SIPA1L1: variants seen among roughly 807,000 people sequenced by gnomAD.
SIPA1L1 encodes signal-induced proliferation-associated 1-like protein 1.
SIPA1L1 carries 26 observed loss-of-function variants against 162.7 expected under a neutral mutation model. The ratio of observed to expected loss-of-function variants is 0.16; its 90% CI spans 0.12 to 0.22. SIPA1L1 has a LOEUF of 0.22. Ranked by LOEUF, SIPA1L1 falls within the 10% of genes least tolerant of loss-of-function variation. SIPA1L1 has a pLI of 1.00. For missense variants in SIPA1L1, 1,874 were observed against 2,241.0 expected, an observed-to-expected ratio of 0.84 and a Z score of 3.31; for synonymous variants, 829 against 837.4, an observed-to-expected ratio of 0.99 and a Z score of 0.17.
chr14:71,408,373 A>G (rs2140229444), intron 2 of SIPA1L1, among the ~76,000 whole-genome samples: 1 of 152,288 alleles, frequency 6.6e-6, no homozygotes, highest in Non-Finnish European at 1.5e-5. Flanking sequence ...AGCAGTTTAT[A>G]GTTTTACCAT....
rs376534701 is a variant in SIPA1L1 at position 71,709,645 on chromosome 14, G to A, written c.4189G>A (p.Asp1397Asn). 12 of 1,612,518 alleles carry A rather than the reference G, an allele frequency of 7.4e-6. No individual in the cohort carries two copies. In the African/African-American group the frequency reaches 8.0e-5, roughly 11 times the overall value. ...GGAGAACAGCACCTTCAGTATAAAC[G>A]ATGCTGCTTCCCACACAAGGTAACC... ...TRENSTFSIN[D>N]AASHTSTMSS... Residue 1397 changes from aspartate (D) to asparagine (N), a missense_variant, in exon 17 of 24, where the codon GAT (aspartate) becomes AAT (asparagine). Asp to Asn is a conservative substitution (Grantham distance 23). Transcript: ENST00000381232.
Position 71,587,637 on chromosome 14 carries a change from A to G in SIPA1L1, c.-236A>G. 1 of 467,218 alleles carries G rather than the reference A, an allele frequency of 2.1e-6. No homozygotes were observed. Among genetic ancestry groups the G allele is most frequent in the Non-Finnish European group, 3.8e-6 (1 of 266,352 alleles). 28.9% of individuals were successfully genotyped at this position (467,218 alleles called of 1,614,324 possible). On this transcript the variant is annotated 5_prime_UTR_variant, in exon 5 of 24. Transcript: ENST00000381232. ...CAAGTTCCATTCAGTTTTTTCTGAA[A>G]GAAAGCCCTCTGTTAAAGTGAAGCA...
chr14:71,449,940 C>T (rs866156899), intron 2 of SIPA1L1, among the ~76,000 whole-genome samples: 5 of 152,106 alleles, frequency 3.3e-5, no homozygotes, highest in South Asian at 2.1e-4. Context: ...GAAGAAAACA[C>T]GCATTGACTC....
At chr14:71,375,762 G>T (rs1269709858) in intron 2 of SIPA1L1, among the ~76,000 whole-genome samples, 5 of 152,062 alleles carry the variant, frequency 3.3e-5, no homozygotes, top group African/African-American at 1.2e-4. Flanking sequence ...AGTGTGTGGA[G>T]AATTTTTATC....
At chr14:71,460,140 AAAG>A (rs2046484843) in intron 2 of SIPA1L1, among the ~76,000 whole-genome samples, 2 of 152,362 alleles carry the variant, frequency 1.3e-5, no homozygotes, top group East Asian at 1.9e-4. Context: ...GTTTTTAACA[AAAG>A]AAGGAGGAAA....
chr14:71,463,417 A>G (rs1315273472), intron 2 of SIPA1L1, among the ~76,000 whole-genome samples: 1 of 152,194 alleles, frequency 6.6e-6, no homozygotes, highest in Non-Finnish European at 1.5e-5. Flanking sequence ...CCTGACCTCC[A>G]TAAGACCCTA....
intron 2 of SIPA1L1, among the ~76,000 whole-genome samples, chr14:71,355,289 A>G (rs539307191): frequency 6.6e-6 from 1 of 152,210 alleles, no homozygotes. Context: ...GAATTTTAAC[A>G]TGCATAATCA....
chr14:71,431,431 C>T (rs1035600209), intron 2 of SIPA1L1, among the ~76,000 whole-genome samples: 1 of 152,098 alleles, frequency 6.6e-6, no homozygotes, highest in Non-Finnish European at 1.5e-5. Context: ...TGGTGGCTCT[C>T]AGCTGTAATA....
intron 2 of SIPA1L1, among the ~76,000 whole-genome samples, chr14:71,424,261 T>C (rs887245253): frequency 6.6e-6 from 1 of 152,100 alleles, no homozygotes; most frequent in African/African-American, 2.4e-5. Context: ...GAATGCCTTT[T>C]ATTTCTCTTT....
intron 2 of SIPA1L1, among the ~76,000 whole-genome samples, chr14:71,473,962 C>G (rs897151525): frequency 6.6e-6 from 1 of 152,162 alleles, no homozygotes; most frequent in Non-Finnish European, 1.5e-5. Flanking sequence ...GACAAGTGTC[C>G]TATTTTGAAT....
At chr14:71,577,730 C>CTT (rs5809525) in intron 4 of SIPA1L1, among the ~76,000 whole-genome samples, 4,569 of 97,120 alleles carry the variant, frequency 0.047, 367 homozygotes, top group African/African-American at 0.099. Flanking sequence ...TTGGGCATGC[C>CTT]TTTTTTTTTT....
chr14:71,576,428 A>G (rs2147154461), intron 4 of SIPA1L1: 2 of 152,370 alleles, frequency 1.3e-5, no homozygotes, highest in Non-Finnish European at 1.5e-5. Context: ...AGATTATTGA[A>G]CAAGCATGCT....
At chr14:71,513,051 G>T (rs1417399094) in intron 3 of SIPA1L1, among the ~76,000 whole-genome samples, 2 of 152,050 alleles carry the variant, frequency 1.3e-5, no homozygotes, top group African/African-American at 2.4e-5. Flanking sequence ...GATGTCTCGT[G>T]TCTCCCTAAA....
intron 4 of SIPA1L1, among the ~76,000 whole-genome samples, chr14:71,550,996 C>CTTTT (rs762102856): frequency 6.6e-6 from 1 of 152,228 alleles, no homozygotes; most frequent in Non-Finnish European, 1.5e-5. Context: ...CACACTGGCA[C>CTTTT]TTTTTACCTT....
intron 7 of SIPA1L1, among the ~76,000 whole-genome samples, chr14:71,644,694 AC>A (rs1365297216): frequency 6.6e-6 from 1 of 152,110 alleles, no homozygotes; most frequent in Non-Finnish European, 1.5e-5. Context: ...GTGTTGGGAA[AC>A]CCTTAGGCTC....
intron 5 of SIPA1L1, among the ~76,000 whole-genome samples, chr14:71,613,244 GATTA>G (rs1299678821): frequency 8.5e-5 from 13 of 152,178 alleles, no homozygotes; most frequent in East Asian, 5.8e-4. Context: ...TAAATGAGCT[GATTA>G]ATTAACATTA....
intron 2 of SIPA1L1, among the ~76,000 whole-genome samples, chr14:71,491,231 C>T (rs2049222516): frequency 6.6e-6 from 1 of 152,184 alleles, no homozygotes; most frequent in African/African-American, 2.4e-5. Context: ...GATACTCAAG[C>T]AAACTGAATG....
rs369992908 is a variant in SIPA1L1 at position 71,661,387 on chromosome 14, A to G, written c.2175A>G (p.Pro725=). 1.7e-5 allele frequency: 28 copies of G among 1,613,882 alleles called. No individual in the cohort carries two copies. The highest frequency in any genetic ancestry group is 2.2e-5 in the Non-Finnish European group (26 of 1,179,944). Residue 725 remains proline, a synonymous_variant, in exon 10 of 24, where the codon CCA becomes CCG. Transcript: ENST00000381232. ...FQEPGAQPFS[P]KNIRSHFQHV... ...AGCCTGGAGCACAGCCATTCAGCCC[A>G]AAAAACATCCGATCCCACTTCCAGC...
chr14:71,666,724 G>A (rs1341344895), intron 10 of SIPA1L1, among the ~76,000 whole-genome samples: 1 of 152,028 alleles, frequency 6.6e-6, no homozygotes, highest in African/African-American at 2.4e-5. Context: ...AAAGCACTTG[G>A]AATTAGACCA....
Sources: gnomAD v4.1 joint callset for allele counts (sites outside exome capture counted in the v4.1 genomes callset) on GRCh38, gnomAD v4.1.1 for gene constraint, MANE v1.5 for transcripts, NCBI Gene and HGNC (gene_info 2026-07-23, HGNC 2026-07-21) for gene names.